The following KHDRBS3 variants were observed in gnomAD, a reference collection of about 807,000 sequenced individuals.
The protein encoded by KHDRBS3 is KH RNA binding domain containing, signal transduction associated 3, also known as KH domain-containing, RNA-binding, signal transduction-associated protein 3.
Under a neutral mutation model 45.6 loss-of-function variants are expected in KHDRBS3, and 23 were observed. That is an observed-to-expected ratio of 0.50 (90% CI 0.36 to 0.72). KHDRBS3 has a LOEUF of 0.72. KHDRBS3 is among the 30% of genes least tolerant of loss of function. The pLI is 0.00. For missense variants in KHDRBS3, 352 were observed against 424.8 expected (o/e 0.83, Z 1.51); for synonymous variants, 162 against 156.5 (o/e 1.04, Z -0.26).
At chr8:135,579,425 C>T (rs183062284) in intron 5 of KHDRBS3, among the ~76,000 whole-genome samples, 2 of 152,280 alleles carry the variant, frequency 1.3e-5, no homozygotes, top group African/African-American at 4.8e-5. Flanking sequence ...GCAACCTCTG[C>T]CTCCCAGGTT....
At chr8:135,473,813 G>A (rs780107426) in intron 1 of KHDRBS3, among the ~76,000 whole-genome samples, 17 of 152,162 alleles carry the variant, frequency 1.1e-4, no homozygotes, top group Admixed American at 5.2e-4. Context: ...CCAGAAAAGG[G>A]CCCCTCCTCA....
At chr8:135,596,666 CATT>C (rs1409857222) in intron 6 of KHDRBS3, among the ~76,000 whole-genome samples, 3 of 152,154 alleles carry the variant, frequency 2.0e-5, no homozygotes, top group Admixed American at 6.5e-5. Context: ...AGATAGCAAA[CATT>C]ATACTCAATT....
At chr8:135,477,730 G>T (rs1298940853) in intron 1 of KHDRBS3, among the ~76,000 whole-genome samples, 7 of 152,202 alleles carry the variant, frequency 4.6e-5, no homozygotes, top group Non-Finnish European at 4.4e-5. Flanking sequence ...AGAGTATCCT[G>T]GATCATTTGG....
At chr8:135,484,568 A>G (rs900101765) in intron 1 of KHDRBS3, among the ~76,000 whole-genome samples, 5 of 152,224 alleles carry the variant, frequency 3.3e-5, no homozygotes, top group Non-Finnish European at 7.3e-5. Context: ...TTGGACATTT[A>G]GAGCCTAATT....
chr8:135,527,071 G>A, intron 2 of KHDRBS3, among the ~76,000 whole-genome samples: 1 of 151,984 alleles, frequency 6.6e-6, no homozygotes, highest in East Asian at 1.9e-4. Flanking sequence ...ATGGTTTAGG[G>A]TTTACATTTA....
At chr8:135,627,902 A>C (rs1830443089) in intron 7 of KHDRBS3, among the ~76,000 whole-genome samples, 1 of 151,024 alleles carries the variant, frequency 6.6e-6, no homozygotes, top group African/African-American at 2.4e-5. Context: ...AGTGAAAAAC[A>C]GGTGGTGTTG....
chr8:135,506,383 C>A (rs1024304800), intron 1 of KHDRBS3, among the ~76,000 whole-genome samples: 1 of 151,846 alleles, frequency 6.6e-6, no homozygotes, highest in East Asian at 1.9e-4. Flanking sequence ...ATGATTGGAT[C>A]CTTCCTTCTG....
At chr8:135,521,529 T>A (rs1824910324) in intron 2 of KHDRBS3, among the ~76,000 whole-genome samples, 174 bp downstream of exon 2, 2 of 152,224 alleles carry the variant, frequency 1.3e-5, no homozygotes, top group African/African-American at 4.8e-5. Context: ...CTTTTCCCTT[T>A]AGTGTGAGTT....
chr8:135,544,494 GAC>G (rs1259081971), intron 3 of KHDRBS3, among the ~76,000 whole-genome samples: 4 of 152,140 alleles, frequency 2.6e-5, no homozygotes, highest in African/African-American at 7.2e-5. Context: ...TGGCATATTG[GAC>G]ACACAGCATG....
chr8:135,513,604 C>T (rs1183707147), intron 1 of KHDRBS3, among the ~76,000 whole-genome samples: 2 of 151,990 alleles, frequency 1.3e-5, no homozygotes, highest in Non-Finnish European at 2.9e-5. Flanking sequence ...TGAGAAAGTT[C>T]TTCTTATTAC....
intron 7 of KHDRBS3, among the ~76,000 whole-genome samples, chr8:135,640,730 G>T (rs1351606078): frequency 6.6e-6 from 1 of 152,174 alleles, no homozygotes; most frequent in Non-Finnish European, 1.5e-5. Flanking sequence ...GATCTGTTGA[G>T]AGAGGGGCCT....
chr8:135,500,917 A>C (rs1414027999), intron 1 of KHDRBS3, among the ~76,000 whole-genome samples: 1 of 152,228 alleles, frequency 6.6e-6, no homozygotes, highest in Non-Finnish European at 1.5e-5. Context: ...TGAATTAAAT[A>C]TTCTCACTAA....
At chr8:135,645,607 A>G (rs1422601095) in intron 8 of KHDRBS3, among the ~76,000 whole-genome samples, 1 of 152,226 alleles carries the variant, frequency 6.6e-6, no homozygotes, top group Non-Finnish European at 1.5e-5. Context: ...CAAGGAGGAG[A>G]TACAGGGTCT....
chr8:135,606,678 A>G (rs1829479270), intron 6 of KHDRBS3, among the ~76,000 whole-genome samples: 1 of 152,150 alleles, frequency 6.6e-6, no homozygotes, highest in African/African-American at 2.4e-5. Flanking sequence ...TAAAAAAAAG[A>G]AAAAAGACAA....
At chr8:135,488,432 C>T (rs1265252586) in intron 1 of KHDRBS3, among the ~76,000 whole-genome samples, 1 of 152,052 alleles carries the variant, frequency 6.6e-6, no homozygotes, top group African/African-American at 2.4e-5. Context: ...ATACTGCAGC[C>T]TGGAGAGACA....
chr8:135,617,738 A>T (rs1333976339), intron 7 of KHDRBS3, among the ~76,000 whole-genome samples: 3 of 152,234 alleles, frequency 2.0e-5, no homozygotes, highest in Admixed American at 2.0e-4. Context: ...TGTTGTTATT[A>T]TGAGTTTAAG....
intron 3 of KHDRBS3, among the ~76,000 whole-genome samples, chr8:135,544,475 G>C (rs935984434): frequency 2.3e-4 from 35 of 152,312 alleles, no homozygotes; most frequent in Middle Eastern, 3.4e-3. Context: ...TATCAAGGCT[G>C]TCTGCTGTTG....
At chr8:135,561,707 C>T (rs1315186637) in intron 5 of KHDRBS3, among the ~76,000 whole-genome samples, 1 of 151,980 alleles carries the variant, frequency 6.6e-6, no homozygotes, top group Non-Finnish European at 1.5e-5. Context: ...ACGGACAGAA[C>T]ATGTAACAGT....
At chr8:135,552,220 AC>A (rs552877844) in intron 4 of KHDRBS3, among the ~76,000 whole-genome samples, 9 of 151,508 alleles carry the variant, frequency 5.9e-5, no homozygotes, top group Non-Finnish European at 1.2e-4. Context: ...CTGTCTTTCT[AC>A]CCCCCACCAC....
Sources: allele counts gnomAD v4.1 joint callset (sites outside exome capture counted in the v4.1 genomes callset), GRCh38; gene constraint gnomAD v4.1.1; transcripts MANE v1.5; gene names NCBI Gene and HGNC (gene_info 2026-07-23, HGNC 2026-07-21).